The following GRIA4 variants were observed in gnomAD, a reference collection of about 807,000 sequenced individuals.
GRIA4 encodes the protein glutamate receptor 4.
In GRIA4, 34 loss-of-function variants were observed where a neutral mutation model predicts 104.0. The observed-to-expected ratio is 0.33, with a 90% CI of 0.25 to 0.44. GRIA4 has a LOEUF of 0.44. Ranked by LOEUF, GRIA4 falls within the 20% of genes least tolerant of loss-of-function variation. The pLI is 1.00. For missense variants in GRIA4, 750 were observed against 1,096.5 expected (o/e 0.68, Z 4.46); for synonymous variants, 386 against 381.9 (o/e 1.01, Z -0.13).
At chr11:105,953,997 T>C (rs1409289818) in intron 14 of GRIA4, among the ~76,000 whole-genome samples, 2 of 152,162 alleles carry the variant, frequency 1.3e-5, no homozygotes, top group Non-Finnish European at 2.9e-5. Flanking sequence ...GGGAAAAGAC[T>C]CACCTTGTCT....
At chr11:105,943,010 G>C (rs1948219340) in intron 14 of GRIA4, among the ~76,000 whole-genome samples, 1 of 152,092 alleles carries the variant, frequency 6.6e-6, no homozygotes, top group Non-Finnish European at 1.5e-5. Flanking sequence ...TTGAGAGTCT[G>C]AGATTCTGAG....
intron 14 of GRIA4, among the ~76,000 whole-genome samples, chr11:105,970,275 T>C (rs1858616854): frequency 6.6e-6 from 1 of 152,080 alleles, no homozygotes; most frequent in South Asian, 2.1e-4. Context: ...TGAAACCATA[T>C]AAACAAAAAT....
intron 14 of GRIA4, among the ~76,000 whole-genome samples, chr11:105,942,294 T>C (rs917890292): frequency 3.3e-5 from 5 of 152,082 alleles, no homozygotes; most frequent in Non-Finnish European, 7.4e-5. Context: ...GTAATAATAT[T>C]GTATAAGCCA....
intron 10 of GRIA4, among the ~76,000 whole-genome samples, chr11:105,913,771 G>C (rs930595915): frequency 1.3e-5 from 2 of 151,994 alleles, no homozygotes; most frequent in African/African-American, 4.8e-5. Flanking sequence ...GAAGTTAAGG[G>C]ATGCTTATGA....
intron 3 of GRIA4, among the ~76,000 whole-genome samples, chr11:105,650,319 G>A (rs765172351): frequency 6.6e-6 from 1 of 151,818 alleles, no homozygotes; most frequent in Non-Finnish European, 1.5e-5. Context: ...CCAGAAGAGA[G>A]TGACTATCAG....
chr11:105,882,263 A>C (rs1946094188), intron 5 of GRIA4, among the ~76,000 whole-genome samples: 1 of 152,316 alleles, frequency 6.6e-6, no homozygotes, highest in African/African-American at 2.4e-5. Context: ...TTGACTTATA[A>C]GATCAAATTA....
intron 3 of GRIA4, among the ~76,000 whole-genome samples, chr11:105,726,029 A>G (rs994502266): frequency 3.3e-5 from 5 of 152,036 alleles, no homozygotes; most frequent in African/African-American, 1.2e-4. Context: ...GGCACCTGCA[A>G]TGCCATTGAG....
intron 4 of GRIA4, among the ~76,000 whole-genome samples, chr11:105,827,976 C>A (rs1474436384): frequency 1.3e-5 from 2 of 151,910 alleles, no homozygotes; most frequent in African/African-American, 2.4e-5. Context: ...GTGGCAAGCA[C>A]TTTTTATATG....
intron 16 of GRIA4, among the ~76,000 whole-genome samples, chr11:105,975,974 C>A (rs1224412110): frequency 1.3e-5 from 2 of 152,032 alleles, no homozygotes; most frequent in African/African-American, 4.8e-5. Flanking sequence ...TCGATCCAAA[C>A]ATTTTTAGCA....
At chr11:105,889,937 A>G (rs1232176469) in intron 6 of GRIA4, among the ~76,000 whole-genome samples, 1 of 152,176 alleles carries the variant, frequency 6.6e-6, no homozygotes, top group Non-Finnish European at 1.5e-5. Context: ...ATTTACAATT[A>G]ATGGAGAACT....
chr11:105,856,084 A>T (rs1944999316), intron 4 of GRIA4, among the ~76,000 whole-genome samples: 1 of 152,132 alleles, frequency 6.6e-6, no homozygotes, highest in Non-Finnish European at 1.5e-5. Context: ...CTGTATCCTT[A>T]ATCTAGAAAC....
intron 3 of GRIA4, among the ~76,000 whole-genome samples, chr11:105,678,794 A>C (rs1372948057): frequency 2.6e-5 from 4 of 152,148 alleles, no homozygotes; most frequent in Non-Finnish European, 5.9e-5. Flanking sequence ...TTAAGGTAAA[A>C]GTATATTATT....
At chr11:105,716,395 C>T (rs1954090274) in intron 3 of GRIA4, among the ~76,000 whole-genome samples, 1 of 152,094 alleles carries the variant, frequency 6.6e-6, no homozygotes, top group African/African-American at 2.4e-5. Context: ...TTATTTATAA[C>T]TGTATTCTCA....
intron 3 of GRIA4, among the ~76,000 whole-genome samples, chr11:105,637,736 C>T (rs1951245366): frequency 6.6e-6 from 1 of 152,038 alleles, no homozygotes; most frequent in Non-Finnish European, 1.5e-5. Context: ...ATCTTTGAAA[C>T]CTAAGCAGAT....
At chr11:105,714,786 A>G (rs1296566207) in intron 3 of GRIA4, among the ~76,000 whole-genome samples, 1 of 152,042 alleles carries the variant, frequency 6.6e-6, no homozygotes, top group Admixed American at 6.6e-5. Context: ...TTAGGTCTTC[A>G]GTTGGGACAG....
intron 3 of GRIA4, among the ~76,000 whole-genome samples, chr11:105,626,528 A>G (rs568070305): frequency 6.6e-6 from 1 of 152,302 alleles, no homozygotes; most frequent in Non-Finnish European, 1.5e-5. Context: ...GCCTTTGAAA[A>G]TCAATTTGTA....
chr11:105,731,972 C>T (rs1390586266), intron 3 of GRIA4, among the ~76,000 whole-genome samples: 1 of 152,000 alleles, frequency 6.6e-6, no homozygotes, highest in African/African-American at 2.4e-5. Context: ...GCATGTATAC[C>T]TATGCAACAA....
intron 3 of GRIA4, among the ~76,000 whole-genome samples, chr11:105,729,903 A>G (rs1052399466): frequency 2.0e-5 from 3 of 152,240 alleles, no homozygotes; most frequent in African/African-American, 7.2e-5. Flanking sequence ...GCTATTTATG[A>G]CAAACCCACA....
intron 4 of GRIA4, among the ~76,000 whole-genome samples, chr11:105,852,791 G>A (rs144621034): frequency 1.6e-5 from 2 of 125,134 alleles, no homozygotes; most frequent in Admixed American, 9.9e-5. Context: ...AACAGAAATT[G>A]TCTCCATAAT....
Sources: allele counts gnomAD v4.1 joint callset (sites outside exome capture counted in the v4.1 genomes callset), GRCh38; gene constraint gnomAD v4.1.1; transcripts MANE v1.5; gene names NCBI Gene and HGNC (gene_info 2026-07-23, HGNC 2026-07-21).